The following COX10 variants were observed in gnomAD, a reference collection of about 807,000 sequenced individuals.
COX10 encodes cytochrome c oxidase assembly factor heme A:farnesyltransferase COX10.
In COX10, 27 loss-of-function variants were observed where a neutral mutation model predicts 37.3. The ratio of observed to expected loss-of-function variants is 0.72; its 90% CI spans 0.53 to 1.00. COX10 has a LOEUF of 1.00. Among genes scored for constraint, COX10 ranks in the 50% least tolerant of loss-of-function variants. COX10 has a pLI of 0.00. For synonymous variants in COX10, 222 were observed against 229.1 expected (o/e 0.97, Z 0.28); for missense variants, 475 against 563.2 (o/e 0.84, Z 1.59).
rs566893459 is a variant in COX10 at position 14,130,034 on chromosome 17, A to G, written c.624+27792A>G. 3.4e-4 allele frequency among the ~76,000 whole-genome samples: 52 copies of G among 152,316 alleles called. No individual in the cohort carries two copies. In the South Asian group the frequency reaches 5.2e-3, roughly 15 times the overall value. ...CTTTCTTCTCTTCCTGGGAGAATGT[A>G]GTGAAGGTGCTGAAGCCACCCAGTG... On this transcript the variant is annotated intron_variant, in intron 4 of 6. Coordinates refer to ENST00000261643, the MANE Select transcript of COX10 (RefSeq NM_001303.4).
intron 3 of COX10, among the ~76,000 whole-genome samples, chr17:14,080,668 T>C (rs1915274279): frequency 6.6e-6 from 1 of 152,246 alleles, no homozygotes. Flanking sequence ...TGATCATTTG[T>C]GGTTTTTCTT....
intron 5 of COX10, among the ~76,000 whole-genome samples, chr17:14,178,653 C>T (rs1204429845): frequency 3.3e-5 from 5 of 151,822 alleles, no homozygotes; most frequent in Admixed American, 1.3e-4. Context: ...TCCAGCCTCA[C>T]CATTCATCTC....
At chr17:14,198,625 G>A (rs553831433) in intron 6 of COX10, among the ~76,000 whole-genome samples, 1 of 152,280 alleles carries the variant, frequency 6.6e-6, no homozygotes, top group South Asian at 2.1e-4. Context: ...TTGGCAGATG[G>A]ATGGTTTTAG....
At chr17:14,163,072 G>C (rs1905200705) in intron 5 of COX10, among the ~76,000 whole-genome samples, 1 of 152,050 alleles carries the variant, frequency 6.6e-6, no homozygotes, top group South Asian at 2.1e-4. Flanking sequence ...GTTACTGACT[G>C]GTTTGAAAAT....
intron 4 of COX10, among the ~76,000 whole-genome samples, chr17:14,114,970 A>T (rs1406791179): frequency 6.6e-6 from 1 of 152,094 alleles, no homozygotes; most frequent in Admixed American, 6.6e-5. Context: ...CATTTATTAA[A>T]TTGCACTTCA....
chr17:14,172,712 GA>G (rs1383254075), intron 5 of COX10, among the ~76,000 whole-genome samples: 1 of 151,406 alleles, frequency 6.6e-6, no homozygotes, highest in Non-Finnish European at 1.5e-5. Context: ...CAAGTAGCTG[GA>G]ATTACAGGTG....
At chr17:14,107,163 G>T (rs568318477) in intron 4 of COX10, among the ~76,000 whole-genome samples, 150 of 151,854 alleles carry the variant, frequency 9.9e-4, no homozygotes, top group Non-Finnish European at 1.9e-3. Flanking sequence ...TCACCAAATG[G>T]TCCCTGGGGC....
At chr17:14,199,289 C>A (rs1042550717) in intron 6 of COX10, among the ~76,000 whole-genome samples, 4 of 152,144 alleles carry the variant, frequency 2.6e-5, no homozygotes, top group Non-Finnish European at 5.9e-5. Context: ...GACATGGTGC[C>A]TGGAGCAGAG....
chr17:14,077,438 A>C (rs1448560073), intron 3 of COX10: 1 of 248,168 alleles, frequency 4.0e-6, no homozygotes, highest in Non-Finnish European at 7.8e-6. Flanking sequence ...ATGAATCCAC[A>C]GTGGCCACTG....
intron 6 of COX10, among the ~76,000 whole-genome samples, chr17:14,201,535 G>A (rs1047172322): frequency 3.9e-5 from 6 of 152,112 alleles, no homozygotes; most frequent in Admixed American, 2.0e-4. Context: ...AGTGTATTGA[G>A]CAAAACAAAA....
intron 3 of COX10, among the ~76,000 whole-genome samples, chr17:14,101,512 C>T (rs1418861238): frequency 6.6e-6 from 1 of 152,164 alleles, no homozygotes; most frequent in Non-Finnish European, 1.5e-5. Flanking sequence ...AAAGGAGCAG[C>T]CTTGGTGGAA....
rs1372221637 is a variant in COX10 at position 14,208,077 on chromosome 17, A to G, written c.*864A>G. On this transcript the variant is annotated 3_prime_UTR_variant, in exon 7 of 7. Coordinates refer to ENST00000261643, the MANE Select transcript of COX10 (RefSeq NM_001303.4). ...CACAGCACGGCTTTTTCAAGGCTGTATTGAGAAGGGAAGTTAGGAAGAAGG... is the reference window on the plus strand; with the variant it reads ...CACAGCACGGCTTTTTCAAGGCTGTGTTGAGAAGGGAAGTTAGGAAGAAGG... The G allele has an allele frequency of 1.3e-5, 2 of 152,300 alleles. No homozygotes were observed. Among genetic ancestry groups the G allele is most frequent in the East Asian group, 3.8e-4 (2 of 5,196 alleles). The allele number at this position is 152,300 out of a possible 1,614,324, so 9.4% of individuals were successfully genotyped here. A position where few individuals can be genotyped will look rare whatever the true frequency, so the allele number is the denominator to read the frequency against.
chr17:14,169,985 A>G (rs1168622867), intron 5 of COX10, among the ~76,000 whole-genome samples: 2 of 152,064 alleles, frequency 1.3e-5, no homozygotes, highest in African/African-American at 4.8e-5. Context: ...TCTCTGAGAG[A>G]GTGGGTTGTC....
At chr17:14,145,530 A>G (rs1251283564) in intron 4 of COX10, among the ~76,000 whole-genome samples, 1 of 152,144 alleles carries the variant, frequency 6.6e-6, no homozygotes, top group African/African-American at 2.4e-5. Flanking sequence ...GTAGCTCAGA[A>G]TGCTTAGAGT....
rs2142273799 is a variant in COX10, at chr17:14,207,283, C to T, written c.*70C>T. The T allele has an allele frequency of 6.9e-7, 1 of 1,457,450 alleles. No individual in the cohort carries two copies. The highest frequency in any genetic ancestry group is 1.4e-5 in the South Asian group (1 of 71,600). The allele number at this position is 1,457,450 out of a possible 1,614,324, so 90.3% of individuals were successfully genotyped here. On this transcript the variant is annotated 3_prime_UTR_variant, in exon 7 of 7. Coordinates refer to ENST00000261643, the MANE Select transcript of COX10 (RefSeq NM_001303.4). The stretch of plus-strand genomic sequence containing the variant: ...AGCATGTTGTGGTAATTCTGGAACA[C>T]AAGAAGAGAAATTGCTGGGTTTAGA...
chr17:14,190,260 A>G (rs1326798869), intron 5 of COX10, among the ~76,000 whole-genome samples: 1 of 152,184 alleles, frequency 6.6e-6, no homozygotes, highest in Non-Finnish European at 1.5e-5. Context: ...GCCAGTTAGT[A>G]TGAGTGTAAG....
rs558586137 is a variant in COX10 at position 14,167,298 on chromosome 17, G to C, written c.695+7351G>C. ...GGATGAGTAAAGAAAGTGGTTTCTT[G>C]AGACCCAATGTATTTCTGACGAAGA... On this transcript the variant is annotated intron_variant, in intron 5 of 6. Coordinates refer to ENST00000261643, the MANE Select transcript of COX10 (RefSeq NM_001303.4). 1.2e-4 allele frequency among the ~76,000 whole-genome samples: 18 copies of C among 152,302 alleles called. No individual in the cohort carries two copies. In the East Asian group the frequency reaches 3.5e-3, roughly 29 times the overall value.
intron 5 of COX10, among the ~76,000 whole-genome samples, chr17:14,166,645 CCT>C (rs1005381110): frequency 3.7e-5 from 3 of 81,624 alleles, no homozygotes; most frequent in African/African-American, 1.0e-4. Context: ...AGACAGTCTT[CCT>C]CTCACTCAGG....
intron 4 of COX10, among the ~76,000 whole-genome samples, chr17:14,151,656 T>C (rs1201479482): frequency 6.6e-6 from 1 of 152,152 alleles, no homozygotes; most frequent in Non-Finnish European, 1.5e-5. Flanking sequence ...ATCACTTGAT[T>C]TGTAATTGGA....
Sources: allele counts gnomAD v4.1 joint callset (sites outside exome capture counted in the v4.1 genomes callset), GRCh38; gene constraint gnomAD v4.1.1; transcripts MANE v1.5; gene names NCBI Gene and HGNC (gene_info 2026-07-23, HGNC 2026-07-21).